NHSL2: variants seen among roughly 807,000 people sequenced by gnomAD.
NHSL2 encodes the protein NHS like 2.
NHSL2 carries 27 observed loss-of-function variants against 53.4 expected under a neutral mutation model. The ratio of observed to expected loss-of-function variants is 0.51; its 90% CI spans 0.37 to 0.70. NHSL2 has a LOEUF of 0.70. NHSL2 is among the 30% of genes least tolerant of loss of function. The pLI is 0.00. For missense variants in NHSL2, 892 were observed against 980.1 expected (o/e 0.91, Z 1.20); for synonymous variants, 408 against 404.1 (o/e 1.01, Z -0.12).
At chrX:72,098,672 C>A (rs2041965196) in intron 1 of NHSL2, among the ~76,000 whole-genome samples, 1 of 110,088 alleles carries the variant, frequency 9.1e-6, no homozygotes, top group Non-Finnish European at 1.9e-5. Flanking sequence ...ATAATAGAAA[C>A]TCTGATTTTT....
intron 1 of NHSL2, among the ~76,000 whole-genome samples, chrX:72,099,120 AT>A (rs1249616250): frequency 8.9e-6 from 1 of 111,936 alleles, no homozygotes; most frequent in Non-Finnish European, 1.9e-5. Context: ...GTTAATGGAC[AT>A]TTAGGTAAAA....
intron 1 of NHSL2, among the ~76,000 whole-genome samples, chrX:72,016,618 C>T (rs757702970): frequency 9.9e-5 from 11 of 111,188 alleles, no homozygotes; most frequent in Non-Finnish European, 1.3e-4. Context: ...GGGGCCTGCA[C>T]GAAAGATGTT....
chrX:71,955,587 A>G lies in NHSL2; in HGVS notation c.280+44220A>G, dbSNP rs192356681. On this transcript the variant is annotated intron_variant, in intron 1 of 7. Transcript: ENST00000633930. The stretch of plus-strand genomic sequence containing the variant: ...AAGTGCTTAGGCATCTTTGTTTCCC[A>G]CTAGGCCTAGCCCACACGTCTCAAA... Among the ~76,000 whole-genome samples, 39 of 110,085 alleles carry G rather than the reference A, an allele frequency of 3.5e-4. No homozygotes were observed. In the East Asian group the frequency reaches 0.01, roughly 29 times the overall value.
intron 1 of NHSL2, among the ~76,000 whole-genome samples, chrX:71,933,515 G>T (rs2041723511): frequency 9.0e-6 from 1 of 111,535 alleles, no homozygotes; most frequent in Non-Finnish European, 1.9e-5. Flanking sequence ...AGGAAAAAGA[G>T]AAAATAAAGT....
At position 72,041,907 on chromosome X, in the gene NHSL2, G is replaced by A. The variant is rs768671855; in HGVS notation, c.281-90172G>A. ...GGTGGGATGAAAGCTAAAGGAACATGAGAACGGTGAGGTGAGGTCGTGCGC... is the reference window on the plus strand; with the variant it reads ...GGTGGGATGAAAGCTAAAGGAACATAAGAACGGTGAGGTGAGGTCGTGCGC... On this transcript the variant is annotated intron_variant, in intron 1 of 7. Transcript: ENST00000633930. Among the ~76,000 whole-genome samples, 7 of 112,266 alleles carry A rather than the reference G, an allele frequency of 6.2e-5. No homozygotes were observed. The South Asian group carries it at 2.6e-3, about 42-fold the overall frequency.
chrX:72,117,746 C>T (rs1238609715), intron 1 of NHSL2, among the ~76,000 whole-genome samples: 1 of 111,607 alleles, frequency 9.0e-6, no homozygotes, highest in Admixed American at 9.5e-5. Flanking sequence ...AAGGTCCATC[C>T]ATGTTATAGC....
intron 1 of NHSL2, among the ~76,000 whole-genome samples, chrX:71,992,403 ACTGTTTCTGACTAAG>A (rs1405131684): frequency 9.0e-6 from 1 of 111,218 alleles, no homozygotes. Context: ...GAGAAGAAAG[ACTGTTTCTGACTAAG>A]CTGTTTCATG....
intron 1 of NHSL2, among the ~76,000 whole-genome samples, chrX:71,916,827 C>T (rs144910646): frequency 1.8e-5 from 2 of 112,758 alleles, no homozygotes; most frequent in African/African-American, 6.4e-5. Context: ...CAGTTTTAAA[C>T]ACTATAATGT....
chrX:72,035,880 G>A (rs1193473405), intron 1 of NHSL2, among the ~76,000 whole-genome samples: 4 of 111,870 alleles, frequency 3.6e-5, no homozygotes, highest in Non-Finnish European at 5.6e-5. Context: ...GTTTGGAACC[G>A]GGCAGCACAG....
intron 1 of NHSL2, among the ~76,000 whole-genome samples, chrX:71,931,524 G>T (rs2041713212): frequency 8.9e-6 from 1 of 112,364 alleles, no homozygotes; most frequent in East Asian, 2.8e-4. Context: ...GATCCATTTT[G>T]AGTTAATTTT....
At chrX:71,936,556 T>C (rs1458232270) in intron 1 of NHSL2, among the ~76,000 whole-genome samples, 2 of 112,772 alleles carry the variant, frequency 1.8e-5, no homozygotes, top group Non-Finnish European at 3.7e-5. Flanking sequence ...CATGAGCAGT[T>C]CTGATTCTGT....
intron 1 of NHSL2, among the ~76,000 whole-genome samples, chrX:72,103,531 G>A (rs949428604): frequency 9.0e-6 from 1 of 111,710 alleles, no homozygotes; most frequent in Non-Finnish European, 1.9e-5. Flanking sequence ...GGTAAGAGTA[G>A]AGCTGGATGA....
At chrX:72,133,325 G>A (rs73565824) in intron 2 of NHSL2, among the ~76,000 whole-genome samples, 2,041 of 111,903 alleles carry the variant, frequency 0.018, 52 homozygotes, top group African/African-American at 0.063. Context: ...AGAATGAGGC[G>A]TTGGACCAAA....
chrX:72,044,255 T>C (rs192107893), intron 1 of NHSL2, among the ~76,000 whole-genome samples: 2 of 112,149 alleles, frequency 1.8e-5, no homozygotes, highest in Non-Finnish European at 3.8e-5. Flanking sequence ...GTGGAGGACA[T>C]TGTGGCTTTT....
chrX:72,040,334 C>T (rs796130154), intron 1 of NHSL2, among the ~76,000 whole-genome samples: 1 of 112,523 alleles, frequency 8.9e-6, no homozygotes, highest in African/African-American at 3.2e-5. Context: ...CTCTTACTAA[C>T]TCAGACTAAC....
At chrX:72,070,754 C>A (rs2041695947) in intron 1 of NHSL2, among the ~76,000 whole-genome samples, 1 of 109,109 alleles carries the variant, frequency 9.2e-6, no homozygotes, top group African/African-American at 3.3e-5. Flanking sequence ...ACCACCACCA[C>A]ACACACACAC....
chrX:72,002,573 C>G (rs2042076912), intron 1 of NHSL2, among the ~76,000 whole-genome samples: 1 of 111,805 alleles, frequency 8.9e-6, no homozygotes, highest in African/African-American at 3.3e-5. Flanking sequence ...TGATATTGTT[C>G]TCATATCACA....
intron 1 of NHSL2, among the ~76,000 whole-genome samples, chrX:71,993,436 C>T (rs1334911514): frequency 5.4e-5 from 6 of 112,069 alleles, no homozygotes; most frequent in African/African-American, 2.0e-4. Flanking sequence ...GTAAGCCAAG[C>T]CCTGGCCTGG....
chrX:71,915,497 C>G (rs2041623911), intron 1 of NHSL2, among the ~76,000 whole-genome samples: 1 of 112,146 alleles, frequency 8.9e-6, no homozygotes, highest in African/African-American at 3.2e-5. Context: ...TAGTGCCTCC[C>G]CATATGTAAT....
Sources: allele counts gnomAD v4.1 joint callset (sites outside exome capture counted in the v4.1 genomes callset), GRCh38; gene constraint gnomAD v4.1.1; transcripts MANE v1.5; gene names NCBI Gene and HGNC (gene_info 2026-07-23, HGNC 2026-07-21).